DRC7: variants seen among roughly 807,000 people sequenced by gnomAD.
The protein encoded by DRC7 is coiled-coil domain containing 135.
DRC7 carries 80 observed loss-of-function variants against 104.4 expected under a neutral mutation model. That is an observed-to-expected ratio of 0.77 (90% CI 0.64 to 0.92). The LOEUF (loss-of-function observed/expected upper bound fraction) is 0.92, where lower values mean the gene tolerates loss of function less well. DRC7 is among the 40% of genes least tolerant of loss of function. The probability of loss-of-function intolerance (pLI) is 0.00; values close to 1 mark genes in which losing one functional copy is unlikely to be tolerated. For synonymous variants in DRC7, 405 were observed against 447.3 expected (o/e 0.91, Z 1.19); for missense variants, 1,034 against 1,141.1 (o/e 0.91, Z 1.35).
chr16:57,724,393 A>G (rs1377065440), intron 12 of DRC7, among the ~76,000 whole-genome samples: 2 of 152,078 alleles, frequency 1.3e-5, no homozygotes, highest in Non-Finnish European at 2.9e-5. Context: ...AATGGACAAG[A>G]ACAAAAAATG....
At chr16:57,723,522 G>T (rs951054640) in intron 12 of DRC7, among the ~76,000 whole-genome samples, 2 of 152,090 alleles carry the variant, frequency 1.3e-5, no homozygotes, top group Admixed American at 1.3e-4. Flanking sequence ...GAGCCCAGGG[G>T]TTCAAGACCA....
In DRC7 at chr16:57,702,987, C is replaced by T. The variant is rs577369574; in HGVS notation, c.699+857C>T. 4.0e-4 allele frequency among the ~76,000 whole-genome samples: 60 copies of T among 151,854 alleles called. No homozygotes were observed. In the South Asian group the frequency reaches 0.012, roughly 31 times the overall value. On this transcript the variant is annotated intron_variant, in intron 6 of 18. Coordinates refer to ENST00000360716, the MANE Select transcript of DRC7 (RefSeq NM_001289162.2). The stretch of plus-strand genomic sequence containing the variant: ...CAACCTCAACCTCCTGGACTCAAGC[C>T]GTCCTCCTGCCTCAGCCTCCCAAGT...
chr16:57,728,574 G>C lies in DRC7; in HGVS notation c.2381G>C (p.Arg794Pro), dbSNP rs114443631. The C allele has an allele frequency of 6.3e-7, 1 of 1,594,288 alleles. No individual in the cohort carries two copies. The highest frequency in any genetic ancestry group is 8.6e-7 in the Non-Finnish European group (1 of 1,168,620). The change falls in exon 17 of 19, where the codon CGC becomes CCC. Residue 794 changes from arginine (R) to proline (P), a missense_variant. Physicochemically the swap from Arg to Pro is moderately radical, Grantham distance 103. Coordinates refer to ENST00000360716, the MANE Select transcript of DRC7 (RefSeq NM_001289162.2). The part of the protein sequence containing the change: ...LINKANLIQA[R>P]FEKETQELQK... ...AACAAGGCCAACCTCATCCAGGCCC[G>C]CTTTGAGAAGGTGCCACCAGGGCCT... is the stretch of plus-strand genomic sequence containing the variant.
intron 9 of DRC7, 72 bp from the exon 10 acceptor site, chr16:57,721,595 G>C (rs1336712688): frequency 2.5e-6 from 3 of 1,220,918 alleles, no homozygotes; most frequent in East Asian, 4.7e-5. Flanking sequence ...GGCAGAGACA[G>C]AGCTTTGACC....
intron 17 of DRC7, among the ~76,000 whole-genome samples, chr16:57,729,663 A>T: frequency 1.9e-5 from 1 of 52,340 alleles, no homozygotes; most frequent in Admixed American, 2.3e-4. Flanking sequence ...GGGTGGATGG[A>T]TGAATGGATG....
chr16:57,721,557 C>T (rs1763082618), intron 9 of DRC7, 110 bp from the exon 10 acceptor site: 1 of 786,712 alleles, frequency 1.3e-6, no homozygotes, highest in Non-Finnish European at 2.1e-6. Context: ...CTGCGGAAGC[C>T]AACGGACCAC....
chr16:57,723,152 G>A, intron 12 of DRC7, 22 bp downstream of exon 12: 1 of 1,611,180 alleles, frequency 6.2e-7, no homozygotes, highest in Non-Finnish European at 8.5e-7. Context: ...CCCTTTCCTG[G>A]GCCACCCAGG....
In DRC7 at chr16:57,714,726, A is replaced by G. The variant is rs118094535; in HGVS notation, c.1078-3621A>G. The stretch of plus-strand genomic sequence containing the variant: ...TGAAGAGTTATTCTCAAGATGTCAC[A>G]GCACTGTTTGCCAGTATGTTGACCT... On this transcript the variant is annotated intron_variant, in intron 8 of 18. Coordinates refer to ENST00000360716, the MANE Select transcript of DRC7 (RefSeq NM_001289162.2). The G allele has an allele frequency of 3.3e-5, 12 of 366,012 alleles. No individual in the cohort carries two copies. In the East Asian group the frequency reaches 8.8e-4, roughly 27 times the overall value. The allele number at this position is 366,012 out of a possible 1,614,324, so 22.7% of individuals were successfully genotyped here.
Position 57,698,983 on chromosome 16 carries a change from G to C in DRC7, c.337G>C (p.Val113Leu). 6.2e-7 allele frequency: 1 copy of C among 1,614,202 alleles called. No homozygotes were observed. Among genetic ancestry groups the C allele is most frequent in the Non-Finnish European group, 8.5e-7 (1 of 1,180,028 alleles). ...RQYSHLCPDR[V>L]PLFLHPLNEC... ...GTACAGCCATCTGTGCCCGGACCGC[G>C]TGCCCCTCTTCCTGCACCCCCTGAA... The change falls in exon 4 of 19, where the codon GTG becomes CTG. Residue 113 changes from valine to leucine, a missense_variant. Coordinates refer to ENST00000360716, the MANE Select transcript of DRC7 (RefSeq NM_001289162.2).
intron 6 of DRC7, 145 bp from the exon 7 acceptor site, chr16:57,704,731 T>G: frequency 1.3e-6 from 1 of 799,486 alleles, no homozygotes; most frequent in Non-Finnish European, 1.9e-6. Flanking sequence ...TGGAGCTGCA[T>G]TTAGAGCCAG....
intron 17 of DRC7, among the ~76,000 whole-genome samples, chr16:57,728,947 T>G (rs1353178953): frequency 1.3e-5 from 2 of 150,950 alleles, no homozygotes; most frequent in African/African-American, 4.9e-5. Context: ...GGTGGGTGGA[T>G]GGGTGGATAA....
intron 7 of DRC7, among the ~76,000 whole-genome samples, chr16:57,705,440 T>C (rs1250580498): frequency 2.2e-5 from 3 of 137,286 alleles, no homozygotes; most frequent in South Asian, 2.7e-4. Context: ...CTCCCATCCA[T>C]CCTCTGATCT....
intron 6 of DRC7, among the ~76,000 whole-genome samples, chr16:57,704,082 C>CT (rs747627813): frequency 2.0e-5 from 3 of 151,164 alleles, no homozygotes; most frequent in Non-Finnish European, 4.4e-5. Context: ...ATGCAGAGAA[C>CT]TTTCGGGTTT....
At chr16:57,729,330 ATGGATGGATGGGTGGATGAG>A (rs2049017450) in intron 17 of DRC7, among the ~76,000 whole-genome samples, 2 of 90,882 alleles carry the variant, frequency 2.2e-5, no homozygotes, top group African/African-American at 1.3e-4. Context: ...GAGTGGGTGG[ATGGATGGATGGGTGGATGAG>A]TGAGTGAGTG....
chr16:57,704,471 G>T (rs1200280763), intron 6 of DRC7, among the ~76,000 whole-genome samples: 1 of 151,978 alleles, frequency 6.6e-6, no homozygotes, highest in African/African-American at 2.4e-5. Flanking sequence ...CCGATGACAA[G>T]ATCTGAAAAA....
chr16:57,709,085 C>T lies in DRC7; in HGVS notation c.1077+1407C>T, dbSNP rs958664253. On this transcript the variant is annotated intron_variant, in intron 8 of 18. Coordinates refer to ENST00000360716, the MANE Select transcript of DRC7 (RefSeq NM_001289162.2). ...CGGAGGTTGTAGTGAGCCTATATTG[C>T]GTCACTGCACTCCAGCCTGGGCGAC... is the stretch of plus-strand genomic sequence containing the variant. Among the ~76,000 whole-genome samples, 4 of 148,840 alleles carry T rather than the reference C, an allele frequency of 2.7e-5. No homozygotes were observed. In the South Asian group the frequency reaches 8.5e-4, roughly 31 times the overall value.
At chr16:57,701,766 T>A (rs2048660705) in intron 5 of DRC7, 170 bp from the exon 6 acceptor site, 1 of 591,878 alleles carries the variant, frequency 1.7e-6, no homozygotes, top group African/African-American at 1.9e-5. Context: ...CTGGTTGTCA[T>A]TCCATTCTTA....
rs766111466 is a variant in DRC7 at position 57,722,714 on chromosome 16, A to G, written c.1281A>G (p.Ala427=). 5.0e-6 allele frequency: 8 copies of G among 1,613,514 alleles called. No homozygotes were observed. The African/African-American group carries it at 1.1e-4, about 22-fold the overall frequency. The change falls in exon 11 of 19, where the codon GCA becomes GCG. Residue 427 remains alanine (A), a splice_region_variant and synonymous_variant. Coordinates refer to ENST00000360716, the MANE Select transcript of DRC7 (RefSeq NM_001289162.2). ...WVEQIEISPE[A]FETRCPNGKK... ...GACCACAGCTGACTGTGTCCACAGC[A>G]TTTGAGACCCGCTGCCCGAACGGGA...
intron 10 of DRC7, 58 bp from the exon 11 acceptor site, chr16:57,722,655 G>T: frequency 1.9e-6 from 3 of 1,604,282 alleles, no homozygotes; most frequent in Admixed American, 3.3e-5. Context: ...GCTGGGCGGG[G>T]CTGGCCCTCC....
Sources: gnomAD v4.1 joint callset for allele counts (sites outside exome capture counted in the v4.1 genomes callset) on GRCh38, gnomAD v4.1.1 for gene constraint, MANE v1.5 for transcripts, NCBI Gene and HGNC (gene_info 2026-07-23, HGNC 2026-07-21) for gene names.